CACNA2D4: variants seen among roughly 807,000 people sequenced by gnomAD.
CACNA2D4 encodes voltage-dependent calcium channel subunit alpha-2/delta-4.
Under a neutral mutation model 163.8 loss-of-function variants are expected in CACNA2D4, and 157 were observed. The ratio of observed to expected loss-of-function variants is 0.96; its 90% confidence interval spans 0.84 to 1.09. CACNA2D4 has a LOEUF of 1.09. Among genes scored for constraint, CACNA2D4 ranks in the 50% least tolerant of loss-of-function variants. The pLI, the probability that CACNA2D4 is intolerant of heterozygous loss-of-function variation, is 0.00. For missense variants in CACNA2D4, 1,410 were observed against 1,479.9 expected (o/e 0.95, Z 0.78); for synonymous variants, 598 against 586.9 (o/e 1.02, Z -0.27).
intron 29 of CACNA2D4, among the ~76,000 whole-genome samples, chr12:1,805,168 A>G (rs1168710325): frequency 6.6e-6 from 1 of 152,152 alleles, no homozygotes; most frequent in Non-Finnish European, 1.5e-5. Flanking sequence ...GGCTGGGTCA[A>G]AAGAGTCGAG....
In CACNA2D4 at chr12:1,820,510, G is replaced by T. The variant is rs1864053286; in HGVS notation, c.2552-8787C>A. The T allele has an allele frequency of 6.6e-6, 1 of 152,380 alleles. No homozygotes were observed. The highest frequency in any genetic ancestry group is 2.1e-4 in the South Asian group (1 of 4,840). The allele number at this position is 152,380 out of a possible 1,614,324, so 9.4% of individuals were successfully genotyped here. A position where few individuals can be genotyped will look rare whatever the true frequency, so the allele number is the denominator to read the frequency against. ...TCTGGCTCGCTGCTCGCGCACACGCGTGCGCTCTCCTCCCTCGCCCCTTTC... is the reference window on the plus strand; with the variant it reads ...TCTGGCTCGCTGCTCGCGCACACGCTTGCGCTCTCCTCCCTCGCCCCTTTC... On this transcript the variant is annotated intron_variant, in intron 26 of 37. Coordinates refer to ENST00000382722, the MANE Select transcript of CACNA2D4 (RefSeq NM_172364.5). The surrounding 1 kb of genome is among the most constrained non-coding windows in gnomAD (Gnocchi z 6.0).
rs1400954332 is a variant in CACNA2D4 at position 1,834,768 on chromosome 12, G to A, written c.2551+5971C>T. On this transcript the variant is annotated intron_variant, in intron 26 of 37. Transcript: ENST00000382722. The surrounding 1 kb of genome is among the most constrained non-coding windows in gnomAD (Gnocchi z 7.6). ...GGTAGGAAGGGCGGGGAGAGCACAC[G>A]GCATTGCTCAGCCACAGCTCCCACC... The A allele has an allele frequency of 1.8e-5, 28 of 1,531,082 alleles. No individual in the cohort carries two copies. The highest frequency in any genetic ancestry group is 1.9e-4 in the Middle Eastern group (1 of 5,282). The allele number at this position is 1,531,082 out of a possible 1,614,324, so 94.8% of individuals were successfully genotyped here.
chr12:1,908,061 C>A (rs780375748), intron 4 of CACNA2D4, 24 bp from the exon 5 acceptor site: 3 of 1,593,434 alleles, frequency 1.9e-6, no homozygotes, highest in African/African-American at 2.7e-5. Flanking sequence ...GTGAGGCCCA[C>A]GGAGGCGGCC....
In CACNA2D4 at chr12:1,834,513, C is replaced by A. The variant is rs776249407; in HGVS notation, c.2551+6226G>T. 2 of 1,606,374 alleles carry A rather than the reference C, an allele frequency of 1.2e-6. No homozygotes were observed. On this transcript the variant is annotated intron_variant, in intron 26 of 37. Transcript: ENST00000382722. This position sits in a 1 kb window ranked among gnomAD's most constrained non-coding sequence, Gnocchi z 7.6. ...CCACAGAAGCAGAGGCACCGGCCGG[C>A]GAGCGTGAGGCGAGCCATGGGCACG...
chr12:1,817,126 T>C (rs138549544), intron 26 of CACNA2D4, among the ~76,000 whole-genome samples: 1 of 152,320 alleles, frequency 6.6e-6, no homozygotes, highest in African/African-American at 2.4e-5. Context: ...GGATCATCTT[T>C]TGTAACACAA....
chr12:1,893,965 G>T (rs1565733403), intron 6 of CACNA2D4, among the ~76,000 whole-genome samples: 1 of 152,084 alleles, frequency 6.6e-6, no homozygotes, highest in Non-Finnish European at 1.5e-5. Flanking sequence ...AAAATGAAAA[G>T]TTGGTTTTTG....
At chr12:1,845,073 G>C (rs781453991) in intron 24 of CACNA2D4, among the ~76,000 whole-genome samples, 15 of 150,524 alleles carry the variant, frequency 1.0e-4, no homozygotes, top group Non-Finnish European at 2.2e-4. Flanking sequence ...GGGAGGCAGG[G>C]AGAAGCAGGG....
At chr12:1,859,677 GAAGTT>G (rs1865480137) in intron 19 of CACNA2D4, among the ~76,000 whole-genome samples, 1 of 152,226 alleles carries the variant, frequency 6.6e-6, no homozygotes, top group African/African-American at 2.4e-5. Flanking sequence ...AAGGCACAGA[GAAGTT>G]AAGTGAAACT....
chr12:1,839,679 G>A (rs956090216), intron 26 of CACNA2D4, among the ~76,000 whole-genome samples: 1 of 152,216 alleles, frequency 6.6e-6, no homozygotes, highest in African/African-American at 2.4e-5. Flanking sequence ...CACAGTGCCC[G>A]GCACACGCTG....
intron 29 of CACNA2D4, among the ~76,000 whole-genome samples, chr12:1,809,754 C>T (rs940905476): frequency 1.3e-5 from 2 of 152,358 alleles, no homozygotes; most frequent in Non-Finnish European, 2.9e-5. Context: ...CGTCCATCCC[C>T]CATTTCTTCT....
At chr12:1,857,461 C>T (rs758161) in intron 20 of CACNA2D4, among the ~76,000 whole-genome samples, 136,294 of 152,218 alleles carry the variant, frequency 0.9, 61,130 homozygotes, top group East Asian at 1. Flanking sequence ...GGGAGAACAG[C>T]TGGAAGCTAC....
chr12:1,840,782 T>G lies in CACNA2D4; in HGVS notation c.2508A>C (p.Thr836=). Residue 836 remains threonine (T), a synonymous_variant, in exon 26 of 38, where the codon ACA becomes ACC. Transcript: ENST00000382722. Reference sequence around the variant, plus strand: ...TCTTGTCCACGGTCACCGCCACAGCTGTGCTTGCCGTCACCACCATGGGTT... The same window carrying G: ...TCTTGTCCACGGTCACCGCCACAGCGGTGCTTGCCGTCACCACCATGGGTT... ...AGEPMVVTAS[T]AVAVTVDKRT... 2.5e-6 allele frequency: 4 copies of G among 1,613,960 alleles called. No homozygotes were observed. The Admixed American group carries it at 5.0e-5, about 20-fold the overall frequency.
At chr12:1,813,851 G>A (rs1017926647) in intron 26 of CACNA2D4, among the ~76,000 whole-genome samples, 7 of 152,172 alleles carry the variant, frequency 4.6e-5, no homozygotes, top group Admixed American at 6.5e-5. Context: ...CAGACACAGC[G>A]CACAGCGGCA....
At position 1,806,152 on chromosome 12, in the gene CACNA2D4, C is replaced by T. The variant is rs1863529641; in HGVS notation, c.2721+4126G>A. Among the ~76,000 whole-genome samples, 1 of 152,182 alleles carries T rather than the reference C, an allele frequency of 6.6e-6. No individual in the cohort carries two copies. The highest frequency in any genetic ancestry group is 6.5e-5 in the Admixed American group (1 of 15,278). Reference sequence around the variant, plus strand: ...CCCTTGAAGATCCACTTTGAAGCTTCCATGGGTGGGTGCCGCCCAGAAGCA... The same window carrying T: ...CCCTTGAAGATCCACTTTGAAGCTTTCATGGGTGGGTGCCGCCCAGAAGCA... On this transcript the variant is annotated intron_variant, in intron 29 of 37. Coordinates refer to ENST00000382722, the MANE Select transcript of CACNA2D4 (RefSeq NM_172364.5). This position sits in a 1 kb window ranked among gnomAD's most constrained non-coding sequence, Gnocchi z 4.1.
chr12:1,883,122 G>T lies in CACNA2D4; in HGVS notation c.1352-122C>A, dbSNP rs1024363837. The T allele has an allele frequency of 1.8e-6, 2 of 1,131,524 alleles. No homozygotes were observed. The highest frequency in any genetic ancestry group is 2.5e-6 in the Non-Finnish European group (2 of 806,146). The allele number at this position is 1,131,524 out of a possible 1,614,324, so 70.1% of individuals were successfully genotyped here. ...CCGAATACTCTCTGGAAACTGGACC[G>T]GGGCACAGGGAGCTGCTTCCCCACA... is the stretch of plus-strand genomic sequence containing the variant. On this transcript the variant is annotated intron_variant, in intron 12 of 37. Transcript: ENST00000382722. The surrounding 1 kb of genome is among the most constrained non-coding windows in gnomAD (Gnocchi z 4.5).
chr12:1,818,810 C>T (rs1011364871), intron 26 of CACNA2D4, among the ~76,000 whole-genome samples: 1 of 135,154 alleles, frequency 7.4e-6, no homozygotes, highest in Admixed American at 7.5e-5. Context: ...AAAGAGTCAT[C>T]ACCACTCCCT....
intron 26 of CACNA2D4, among the ~76,000 whole-genome samples, chr12:1,813,336 G>A (rs1277166071): frequency 7.2e-5 from 11 of 152,104 alleles, no homozygotes; most frequent in Admixed American, 4.6e-4. Context: ...CCCAGGGGTT[G>A]CCGATGCTGC....
At position 1,858,641 on chromosome 12, in the gene CACNA2D4, CA is replaced by C; in HGVS notation, c.1943del (p.Leu648TrpfsTer55). On this transcript the variant is annotated frameshift_variant and splice_region_variant, in exon 20 of 38. Transcript: ENST00000382722. LOFTEE classifies it high-confidence loss of function. ...CGTGGCCCCGGGACAGCACCACCCCCAAACTGTGGGGAGAGAAGAGAAGGCA... is the reference window on the plus strand; with the variant it reads ...CGTGGCCCCGGGACAGCACCACCCCCAACTGTGGGGAGAGAAGAGAAGGCA... ...FTDISDTPFS[L>X]GVVLSRGHGE... The C allele has an allele frequency of 2.5e-6, 4 of 1,600,148 alleles. No individual in the cohort carries two copies. Among genetic ancestry groups the C allele is most frequent in the Non-Finnish European group, 3.4e-6 (4 of 1,172,696 alleles).
Position 1,885,997 on chromosome 12 carries a change from T to C in CACNA2D4, c.1036A>G (p.Ile346Val). Reference sequence around the variant, plus strand: ...TTGTCTCGGTCCGCCTGGACGAGGATCCCTTTAAAACAAGGCTCGATGTAA... The same window carrying C: ...TTGTCTCGGTCCGCCTGGACGAGGACCCCTTTAAAACAAGGCTCGATGTAA... ...VHYIEPCFKG[I>V]LVQADRDNRE... Residue 346 changes from isoleucine to valine, a missense_variant, in exon 9 of 38, where the codon ATC (isoleucine) becomes GTC (valine). By Grantham distance (29) the Ile-to-Val change is conservative. Coordinates refer to ENST00000382722, the MANE Select transcript of CACNA2D4 (RefSeq NM_172364.5). The C allele has an allele frequency of 6.2e-7, 1 of 1,613,616 alleles. No individual in the cohort carries two copies. The highest frequency in any genetic ancestry group is 8.5e-7 in the Non-Finnish European group (1 of 1,179,740).
Sources: allele counts gnomAD v4.1 joint callset (sites outside exome capture counted in the v4.1 genomes callset), GRCh38; gene constraint gnomAD v4.1.1; non-coding constraint Gnocchi (gnomAD v3.1); transcripts MANE v1.5; gene names NCBI Gene and HGNC (gene_info 2026-07-23, HGNC 2026-07-21).